The following RELN variants were observed in gnomAD, a reference collection of about 807,000 sequenced individuals.
The protein encoded by RELN is reelin.
RELN carries 108 observed loss-of-function variants against 427.6 expected under a neutral mutation model. That is an observed-to-expected ratio of 0.25 (90% CI 0.22 to 0.30). RELN has a LOEUF of 0.30. Ranked by LOEUF, RELN falls within the 10% of genes least tolerant of loss-of-function variation. RELN has a pLI of 1.00. For synonymous variants in RELN, 1,524 were observed against 1,513.4 expected, an observed-to-expected ratio of 1.01 and a Z score of -0.16; for missense variants, 3,715 against 4,302.8, an observed-to-expected ratio of 0.86 and a Z score of 3.82.
intron 6 of RELN, among the ~76,000 whole-genome samples, chr7:103,740,474 A>G (rs1382408254): frequency 1.3e-5 from 2 of 152,220 alleles, no homozygotes; most frequent in East Asian, 1.9e-4. Context: ...AATAATTTGA[A>G]ATATTCAAAC....
intron 3 of RELN, among the ~76,000 whole-genome samples, chr7:103,815,047 T>G (rs925740482): frequency 6.6e-6 from 1 of 152,244 alleles, no homozygotes; most frequent in Non-Finnish European, 1.5e-5. Context: ...GAGTCTTTGC[T>G]GTATAATTTT....
Position 103,553,648 on chromosome 7 carries a change from C to G in RELN, c.5969+12G>C. 1.2e-6 allele frequency: 2 copies of G among 1,613,800 alleles called. No homozygotes were observed. The highest frequency in any genetic ancestry group is 1.7e-6 in the Non-Finnish European group (2 of 1,179,826). ...ACAGCAGTGGTTTTATTTTTAGATTCTTAATACTTACGGTGCCCCCTTTGA... is the reference window on the plus strand; with the variant it reads ...ACAGCAGTGGTTTTATTTTTAGATTGTTAATACTTACGGTGCCCCCTTTGA... On this transcript the variant is annotated intron_variant, in intron 39 of 64. Coordinates refer to ENST00000428762, the MANE Select transcript of RELN (RefSeq NM_005045.4).
chr7:103,887,744 C>T (rs1483374699), intron 2 of RELN, among the ~76,000 whole-genome samples: 2 of 151,586 alleles, frequency 1.3e-5, no homozygotes, highest in Non-Finnish European at 2.9e-5. Flanking sequence ...TGTCTTTCCC[C>T]TAATTAAAGT....
intron 20 of RELN, among the ~76,000 whole-genome samples, chr7:103,612,397 T>C (rs561308953): frequency 6.6e-6 from 1 of 151,648 alleles, no homozygotes; most frequent in Admixed American, 6.6e-5. Context: ...TGCCTCAGCC[T>C]CCCTAGTAGC....
rs370991016 is a variant in RELN, at chr7:103,708,608, C to T, written c.806-7602G>A. Among the ~76,000 whole-genome samples, 549 of 151,788 alleles carry T rather than the reference C, an allele frequency of 3.6e-3. 1 individual carries two copies. The highest frequency in any genetic ancestry group is 0.013 in the African/African-American group (536 of 41,270). On this transcript the variant is annotated intron_variant, in intron 8 of 64. Coordinates refer to ENST00000428762, the MANE Select transcript of RELN (RefSeq NM_005045.4). Reference sequence around the variant, plus strand: ...CCTCCCAAGTAGCTGGGACTACAGGCGCCCGCCAACACGCCCGGCTAATTT... The same window carrying T: ...CCTCCCAAGTAGCTGGGACTACAGGTGCCCGCCAACACGCCCGGCTAATTT...
Position 103,539,312 on chromosome 7 carries a change from T to G in RELN, c.6946A>C (p.Asn2316His). 6.2e-7 allele frequency: 1 copy of G among 1,614,084 alleles called. No homozygotes were observed. Among genetic ancestry groups the G allele is most frequent in the Non-Finnish European group, 8.5e-7 (1 of 1,179,902 alleles). Residue 2316 changes from asparagine (N) to histidine (H), a missense_variant, in exon 45 of 65, where the codon AAT (asparagine) becomes CAT (histidine). Physicochemically the swap from Asn to His is moderately conservative, Grantham distance 68 (BLOSUM62 1). This residue lies in a region of RELN where 1,310 missense variants were observed against 1,643.0 expected (regional missense o/e 0.80). Coordinates refer to ENST00000428762, the MANE Select transcript of RELN (RefSeq NM_005045.4). ...TCCAAGACCGTATTACCAGAAATATTTCCTCCAATAAGAATCTGAAATGTA... is the reference window on the plus strand; with the variant it reads ...TCCAAGACCGTATTACCAGAAATATGTCCTCCAATAAGAATCTGAAATGTA... ...WVIDQILIGG[N>H]ISGNTVLEDD...
At chr7:103,742,473 A>C (rs906132368) in intron 6 of RELN, among the ~76,000 whole-genome samples, 1 of 152,224 alleles carries the variant, frequency 6.6e-6, no homozygotes, top group Non-Finnish European at 1.5e-5. Context: ...ACTCCAAGCT[A>C]CAGGAGGAAA....
intron 20 of RELN, among the ~76,000 whole-genome samples, chr7:103,619,144 G>T (rs1187177328): frequency 6.6e-6 from 1 of 151,882 alleles, no homozygotes; most frequent in East Asian, 1.9e-4. Context: ...TTTACAGAAA[G>T]ATGCTATCCA....
Position 103,574,210 on chromosome 7 carries a change from T to C in RELN, c.4393A>G (p.Ile1465Val). The C allele has an allele frequency of 6.2e-7, 1 of 1,614,188 alleles. No individual in the cohort carries two copies. Among genetic ancestry groups the C allele is most frequent in the Non-Finnish European group, 8.5e-7 (1 of 1,180,028 alleles). Residue 1465 changes from isoleucine (I) to valine (V), a missense_variant, in exon 30 of 65, where the codon ATA becomes GTA. Transcript: ENST00000428762. ...EGKLSPLWYKITGAQVGTGCG... is the reference protein window; with the variant it reads ...EGKLSPLWYKVTGAQVGTGCG... ...CCAGTTCCAACCTGGGCACCTGTTA[T>C]CTTGTACCACAGAGGGCTGAGCTTC...
chr7:103,594,621 G>C (rs993225324), intron 25 of RELN, 129 bp from the exon 26 acceptor site: 14 of 982,850 alleles, frequency 1.4e-5, no homozygotes, highest in Middle Eastern at 6.3e-4. Flanking sequence ...TTTTCCAAAA[G>C]CCCGTAAGTT....
Position 103,733,453 on chromosome 7 carries a change from G to T in RELN, c.657-5246C>A, listed in dbSNP as rs1402810564. 6.0e-5 allele frequency among the ~76,000 whole-genome samples: 8 copies of T among 134,008 alleles called. No individual in the cohort carries two copies. In the East Asian group the frequency reaches 1.5e-3, roughly 24 times the overall value. The allele number at this position is 134,008 out of a possible 152,430, so 87.9% of individuals were successfully genotyped here. A position where few individuals can be genotyped will look rare whatever the true frequency, so the allele number is the denominator to read the frequency against. ...TCCCATTACTGGGTATATACCCAAA[G>T]GACTATAAATCATGCTGCTATAAAG... On this transcript the variant is annotated intron_variant, in intron 6 of 64. Transcript: ENST00000428762.
chr7:103,793,853 G>T (rs1792227970), intron 3 of RELN, among the ~76,000 whole-genome samples: 1 of 152,164 alleles, frequency 6.6e-6, no homozygotes. Context: ...TGCAGCCTCT[G>T]CCTCTCAGGT....
At chr7:103,716,141 G>A (rs1789933897) in intron 8 of RELN, among the ~76,000 whole-genome samples, 1 of 152,080 alleles carries the variant, frequency 6.6e-6, no homozygotes, top group African/African-American at 2.4e-5. Flanking sequence ...TCACAGTGAC[G>A]CCTGACCCTC....
In RELN at chr7:103,953,515, G is replaced by A. The variant is rs970411970; in HGVS notation, c.226+35616C>T. Among the ~76,000 whole-genome samples, 1 of 152,102 alleles carries A rather than the reference G, an allele frequency of 6.6e-6. No individual in the cohort carries two copies. Among genetic ancestry groups the A allele is most frequent in the Non-Finnish European group, 1.5e-5 (1 of 68,022 alleles). ...GATATTTTTAAGGCACTGGTAGGGG[G>A]ACATACACACACACAGAATTTTATA... On this transcript the variant is annotated intron_variant, in intron 1 of 64. Coordinates refer to ENST00000428762, the MANE Select transcript of RELN (RefSeq NM_005045.4). This position sits in a 1 kb window ranked among gnomAD's most constrained non-coding sequence, Gnocchi z 4.3.
At chr7:103,731,060 G>C (rs548373600) in intron 6 of RELN, among the ~76,000 whole-genome samples, 1 of 152,234 alleles carries the variant, frequency 6.6e-6, no homozygotes, top group African/African-American at 2.4e-5. Flanking sequence ...AGTTACAATA[G>C]AGGGTGTCAA....
rs929202677 is a variant in RELN at position 103,651,780 on chromosome 7, C to T, written c.1773G>A (p.Leu591=). 2 of 1,611,332 alleles carry T rather than the reference C, an allele frequency of 1.2e-6. No individual in the cohort carries two copies. The highest frequency in any genetic ancestry group is 1.7e-6 in the Non-Finnish European group (2 of 1,178,388). ...GTHQPGNSVS[L]EFSTNHGRSW... is the part of the protein sequence containing the mutation. The stretch of plus-strand genomic sequence containing the variant: ...AGCGCCCATGGTTGGTAGAAAATTC[C>T]AAGCTGACACTAATAAAACCAGAAC... The change falls in exon 15 of 65, where the codon TTG becomes TTA. Residue 591 remains leucine, a synonymous_variant. Coordinates refer to ENST00000428762, the MANE Select transcript of RELN (RefSeq NM_005045.4).
rs200098568 is a variant in RELN, at chr7:103,715,332, CT to C, written c.805+7807del. Among the ~76,000 whole-genome samples, 1,461 of 152,216 alleles carry C rather than the reference CT, an allele frequency of 9.6e-3. 27 individuals carry two copies. Among genetic ancestry groups the C allele is most frequent in the African/African-American group, 0.033 (1,380 of 41,540 alleles). On this transcript the variant is annotated intron_variant, in intron 8 of 64. Transcript: ENST00000428762. ...ACATGCTTCCTTTATACTTGAAATA[CT>C]TTTTTTCATAATATATAGAAAAAGA...
rs772586514 is a variant in RELN at position 103,610,704 on chromosome 7, T to G, written c.2999A>C (p.Gln1000Pro). 1 of 1,554,456 alleles carries G rather than the reference T, an allele frequency of 6.4e-7. No individual in the cohort carries two copies. The highest frequency in any genetic ancestry group is 1.1e-5 in the South Asian group (1 of 89,754). ...AAAGATGTCATCTCACCAAGTTTTC[T>G]GGGGAAGAAGCACTATGACTCTCCT... Reference protein sequence around the residue: ...QWRRVIVLLPQKTWSSATRFR... With the variant: ...QWRRVIVLLPPKTWSSATRFR... Residue 1000 changes from glutamine to proline, a missense_variant, in exon 22 of 65, where the codon CAG becomes CCG. Gln to Pro is a moderately conservative substitution (Grantham distance 76). This residue lies in a region of RELN where 2,208 missense variants were observed against 2,361.7 expected (regional missense o/e 0.93). Transcript: ENST00000428762.
At chr7:103,617,177 T>C (rs948428045) in intron 20 of RELN, among the ~76,000 whole-genome samples, 2 of 152,242 alleles carry the variant, frequency 1.3e-5, no homozygotes, top group South Asian at 2.1e-4. Flanking sequence ...AGTGTGTGTG[T>C]GTGAAGCCTT....
Sources: gnomAD v4.1 joint callset for allele counts (sites outside exome capture counted in the v4.1 genomes callset) on GRCh38, gnomAD v4.1.1 for gene constraint, gnomAD v4.1.1 regional missense constraint, Gnocchi (gnomAD v3.1) non-coding constraint, MANE v1.5 for transcripts, NCBI Gene and HGNC (gene_info 2026-07-23, HGNC 2026-07-21) for gene names.